Variants in PPFIA2 observed in about 807,000 individuals in gnomAD.
PPFIA2 encodes PPFI scaffold protein A2.
Under a neutral mutation model 175.5 loss-of-function variants are expected in PPFIA2, and 46 were observed. That is an observed-to-expected ratio of 0.26 (90% CI 0.21 to 0.34). The LOEUF is 0.34. Ranked by LOEUF, PPFIA2 falls within the 10% of genes least tolerant of loss-of-function variation. The probability of loss-of-function intolerance (pLI) is 1.00; values close to 1 mark genes in which losing one functional copy is unlikely to be tolerated. For synonymous variants in PPFIA2, 568 were observed against 511.4 expected (o/e 1.11, Z -1.49); for missense variants, 1,179 against 1,506.1 (o/e 0.78, Z 3.60).
At chr12:81,472,519 G>A (rs2056894439) in intron 4 of PPFIA2, 1 of 152,276 alleles carries the variant, frequency 6.6e-6, no homozygotes, top group Admixed American at 6.5e-5. Flanking sequence ...CTTATTATTA[G>A]TTTAGCAACC....
chr12:81,722,838 T>C (rs1181897581), intron 3 of PPFIA2, among the ~76,000 whole-genome samples: 1 of 151,182 alleles, frequency 6.6e-6, no homozygotes, highest in African/African-American at 2.4e-5. Context: ...GGGATGTTTA[T>C]GTAAGCACGC....
intron 28 of PPFIA2, 111 bp from the exon 29 acceptor site, chr12:81,268,198 G>A: frequency 1.2e-6 from 1 of 859,378 alleles, no homozygotes; most frequent in South Asian, 1.9e-5. Context: ...GAGTGCAGTG[G>A]CGGGATCTCG....
intron 4 of PPFIA2, among the ~76,000 whole-genome samples, chr12:81,540,244 A>G (rs115201616): frequency 0.01 from 1,540 of 152,180 alleles, 35 homozygotes; most frequent in African/African-American, 0.034. Context: ...AAAGAAGTAA[A>G]CCTTTTAAAG....
intron 4 of PPFIA2, among the ~76,000 whole-genome samples, chr12:81,475,030 TTTAA>T (rs2057302307): frequency 1.3e-5 from 2 of 152,220 alleles, no homozygotes; most frequent in Non-Finnish European, 2.9e-5. Flanking sequence ...TATTTCCAAT[TTTAA>T]TTATTCATAC....
intron 4 of PPFIA2, among the ~76,000 whole-genome samples, chr12:81,478,910 A>C (rs1566991010): frequency 6.6e-6 from 1 of 152,052 alleles, no homozygotes; most frequent in Non-Finnish European, 1.5e-5. Context: ...CGGAGTGGAG[A>C]GTTCTGTGGA....
chr12:81,639,368 C>G (rs1229013988), intron 4 of PPFIA2, among the ~76,000 whole-genome samples: 1 of 151,840 alleles, frequency 6.6e-6, no homozygotes, highest in African/African-American at 2.4e-5. Flanking sequence ...AAAATAGAAA[C>G]TACAATAGAA....
chr12:81,284,942 T>C (rs187249922), intron 24 of PPFIA2, among the ~76,000 whole-genome samples: 2 of 152,320 alleles, frequency 1.3e-5, no homozygotes, highest in African/African-American at 2.4e-5. Flanking sequence ...TAATAAAATG[T>C]ATTTTTTAGC....
At chr12:81,414,364 C>A (rs190428445) in intron 7 of PPFIA2, among the ~76,000 whole-genome samples, 1 of 151,454 alleles carries the variant, frequency 6.6e-6, no homozygotes, top group East Asian at 1.9e-4. Context: ...CATATATTCC[C>A]CAAAATAAAA....
Position 81,478,798 on chromosome 12 carries a change from C to T in PPFIA2, c.304-20932G>A, listed in dbSNP as rs528797839. 7.9e-5 allele frequency among the ~76,000 whole-genome samples: 12 copies of T among 152,138 alleles called. No individual in the cohort carries two copies. The South Asian group carries it at 2.3e-3, about 29-fold the overall frequency. On this transcript the variant is annotated intron_variant, in intron 4 of 32. Transcript: ENST00000549396. ...TCTGAGAGACGGTTTGTTATGATTT[C>T]CTTTCTTTTGCATTATCTGAGGAGT...
chr12:81,624,334 A>G, intron 4 of PPFIA2, among the ~76,000 whole-genome samples: 1 of 150,680 alleles, frequency 6.6e-6, no homozygotes, highest in East Asian at 1.9e-4. Flanking sequence ...GTCCAATCCT[A>G]TAATCTGTAT....
At chr12:81,316,108 T>TAC (rs760668793) in intron 22 of PPFIA2, among the ~76,000 whole-genome samples, 76 of 151,136 alleles carry the variant, frequency 5.0e-4, no homozygotes, top group Middle Eastern at 3.4e-3. Context: ...ATATACTTAA[T>TAC]ACACACACAC....
chr12:81,659,620 C>A (rs2068444503), intron 4 of PPFIA2, among the ~76,000 whole-genome samples: 1 of 152,178 alleles, frequency 6.6e-6, no homozygotes. Context: ...GTAGACTCCA[C>A]CTCTGGGGGC....
intron 4 of PPFIA2, among the ~76,000 whole-genome samples, chr12:81,552,549 A>G (rs796821062): frequency 5.3e-5 from 8 of 152,116 alleles, no homozygotes; most frequent in African/African-American, 1.7e-4. Context: ...TAAGTTATCA[A>G]TCATGATGAC....
At chr12:81,732,528 AACACT>A (rs1246547381) in intron 3 of PPFIA2, among the ~76,000 whole-genome samples, 3 of 150,654 alleles carry the variant, frequency 2.0e-5, no homozygotes, top group Non-Finnish European at 3.0e-5. Flanking sequence ...AAAAAAAAAA[AACACT>A]CACACACACA....
intron 7 of PPFIA2, among the ~76,000 whole-genome samples, chr12:81,433,852 T>C (rs1370298935): frequency 6.6e-6 from 1 of 152,164 alleles, no homozygotes; most frequent in African/African-American, 2.4e-5. Context: ...AGTATAAAAT[T>C]AACCCTAATA....
intron 4 of PPFIA2, among the ~76,000 whole-genome samples, chr12:81,623,290 A>G (rs1235743410): frequency 2.0e-5 from 3 of 152,082 alleles, no homozygotes; most frequent in Non-Finnish European, 4.4e-5. Flanking sequence ...AGAGGCATCC[A>G]AAATAGTGAA....
At chr12:81,317,704 A>T (rs1029546452) in intron 22 of PPFIA2, among the ~76,000 whole-genome samples, 1 of 151,618 alleles carries the variant, frequency 6.6e-6, no homozygotes. Context: ...TTCTTTCCTT[A>T]TCCAGCTTCT....
At chr12:81,362,009 C>CTATG (rs1173650649) in intron 15 of PPFIA2, among the ~76,000 whole-genome samples, 53 of 18,618 alleles carry the variant, frequency 2.8e-3, no homozygotes, top group African/African-American at 0.014. Context: ...ATCTATGTAT[C>CTATG]TATCTATCTA....
chr12:81,371,192 C>G (rs533031907), intron 11 of PPFIA2, among the ~76,000 whole-genome samples: 1 of 151,810 alleles, frequency 6.6e-6, no homozygotes, highest in South Asian at 2.1e-4. Context: ...TCCAAGTCGT[C>G]CTCAAATTTC....
Sources: gnomAD v4.1 joint callset for allele counts (sites outside exome capture counted in the v4.1 genomes callset) on GRCh38, gnomAD v4.1.1 for gene constraint, MANE v1.5 for transcripts, NCBI Gene and HGNC (gene_info 2026-07-23, HGNC 2026-07-21) for gene names.